CRTAC1: variants seen among roughly 807,000 people sequenced by gnomAD.
CRTAC1 encodes acidic secreted protein in cartilage.
Under a neutral mutation model 67.8 loss-of-function variants are expected in CRTAC1, and 37 were observed. The ratio of observed to expected loss-of-function variants is 0.55; its 90% CI spans 0.42 to 0.72. CRTAC1 has a LOEUF of 0.72. Ranked by LOEUF, CRTAC1 falls within the 30% of genes least tolerant of loss-of-function variation. The probability of loss-of-function intolerance (pLI) is 0.00; values close to 1 mark genes in which losing one functional copy is unlikely to be tolerated. For synonymous variants in CRTAC1, 348 were observed against 371.0 expected (o/e 0.94, Z 0.71); for missense variants, 780 against 931.6 (o/e 0.84, Z 2.12).
chr10:97,985,303 T>C (rs2051962050), intron 2 of CRTAC1, among the ~76,000 whole-genome samples: 2 of 152,242 alleles, frequency 1.3e-5, no homozygotes, highest in African/African-American at 2.4e-5. Context: ...AACATTTTTC[T>C]CACGTTGTAA....
chr10:98,011,845 C>T (rs2136695680), intron 1 of CRTAC1, among the ~76,000 whole-genome samples: 1 of 152,316 alleles, frequency 6.6e-6, no homozygotes, highest in Non-Finnish European at 1.5e-5. Flanking sequence ...ATTTCCCATA[C>T]TCTGGGAGAA....
At chr10:98,021,807 C>G (rs1370400563) in intron 1 of CRTAC1, among the ~76,000 whole-genome samples, 28 of 152,150 alleles carry the variant, frequency 1.8e-4, no homozygotes, top group Non-Finnish European at 5.9e-5. Context: ...GGCTATGAGA[C>G]TTTGAGGAAT....
chr10:97,893,850 G>A (rs567826145), intron 11 of CRTAC1, among the ~76,000 whole-genome samples: 2 of 152,000 alleles, frequency 1.3e-5, no homozygotes, highest in South Asian at 4.1e-4. Context: ...TCTACCATAC[G>A]TGACTTTTGG....
At chr10:97,911,610 G>C (rs1295163423) in intron 5 of CRTAC1, among the ~76,000 whole-genome samples, 2 of 152,174 alleles carry the variant, frequency 1.3e-5, no homozygotes, top group African/African-American at 4.8e-5. Flanking sequence ...GGGCAGCCAG[G>C]TACCTGCACC....
chr10:98,010,329 T>C (rs1228062949), intron 2 of CRTAC1, among the ~76,000 whole-genome samples: 1 of 152,212 alleles, frequency 6.6e-6, no homozygotes, highest in Non-Finnish European at 1.5e-5. Context: ...CGTGAGCCAC[T>C]GCACCCGGCC....
At chr10:97,891,715 A>T (rs759369763) in intron 11 of CRTAC1, among the ~76,000 whole-genome samples, 1 of 151,870 alleles carries the variant, frequency 6.6e-6, no homozygotes, top group Non-Finnish European at 1.5e-5. Flanking sequence ...CCTTCCCTCC[A>T]TCTGGCCTTC....
rs550128415 is a variant in CRTAC1, at chr10:97,944,316, C to A, written c.225-7950G>T. Among the ~76,000 whole-genome samples the A allele has an allele frequency of 4.3e-4, 66 of 152,072 alleles. No homozygotes were observed. The South Asian group carries it at 0.013, about 30-fold the overall frequency. ...CGTGGTGGTGCACACCCTGTAATCC[C>A]AGCTACTTGGGAGGCTGAGGCAGAA... On this transcript the variant is annotated intron_variant, in intron 2 of 14. Transcript: ENST00000370597.
intron 14 of CRTAC1, among the ~76,000 whole-genome samples, chr10:97,874,927 A>T (rs2136531790): frequency 6.6e-6 from 1 of 152,210 alleles, no homozygotes; most frequent in East Asian, 1.9e-4. Context: ...CATGCTACAG[A>T]CTTTCCTTAT....
intron 1 of CRTAC1, among the ~76,000 whole-genome samples, chr10:98,014,824 T>C (rs1001727126): frequency 2.0e-5 from 3 of 152,168 alleles, no homozygotes; most frequent in African/African-American, 7.2e-5. Flanking sequence ...TGTAGAGAAA[T>C]TGGAATCCTT....
At position 97,960,933 on chromosome 10, in the gene CRTAC1, A is replaced by C. The variant is rs193149170; in HGVS notation, c.225-24567T>G. ...CCACACTATGTCCTAAAAATGTATA[A>C]GCCATTTGTTTGAACTCACTGTTCT... On this transcript the variant is annotated intron_variant, in intron 2 of 14. Coordinates refer to ENST00000370597, the MANE Select transcript of CRTAC1 (RefSeq NM_018058.7). Among the ~76,000 whole-genome samples the C allele has an allele frequency of 2.0e-5, 3 of 152,358 alleles. No homozygotes were observed. In the East Asian group the frequency reaches 5.8e-4, roughly 29 times the overall value.
intron 2 of CRTAC1, among the ~76,000 whole-genome samples, chr10:97,938,306 A>G (rs1182874606): frequency 6.6e-6 from 1 of 152,202 alleles, no homozygotes. Flanking sequence ...TGAGGGCTGA[A>G]CACGAGTCTT....
rs1842543278 is a variant in CRTAC1, at chr10:97,995,355, C to T, written c.224+15783G>A. On this transcript the variant is annotated intron_variant, in intron 2 of 14. Transcript: ENST00000370597. ...CTGTCTTATACCCAAGACTTCCATG[C>T]TGTAGAACTCTTTCTATTTTGCAAG... Among the ~76,000 whole-genome samples the T allele has an allele frequency of 2.0e-5, 3 of 152,192 alleles. No individual in the cohort carries two copies. In the South Asian group the frequency reaches 6.2e-4, roughly 31 times the overall value.
At chr10:97,886,773 T>C (rs2050292371) in intron 11 of CRTAC1, among the ~76,000 whole-genome samples, 1 of 151,040 alleles carries the variant, frequency 6.6e-6, no homozygotes, top group Non-Finnish European at 1.5e-5. Context: ...GCCTCCTGAG[T>C]AGTTGGGATT....
rs576681356 is a variant in CRTAC1 at position 97,895,380 on chromosome 10, G to T, written c.1351C>A (p.Arg451Ser). Residue 451 changes from arginine (R) to serine (S), a missense_variant, in exon 11 of 15, where the codon CGC becomes AGC. Coordinates refer to ENST00000370597, the MANE Select transcript of CRTAC1 (RefSeq NM_018058.7). The surrounding 1 kb of genome is among the most constrained non-coding windows in gnomAD (Gnocchi z 4.2). ...CTGGCAAAGGCCCCAAACCGGGTGCGTGGCACCACTCGCAGCCAGTTGTTG... is the reference window on the plus strand; with the variant it reads ...CTGGCAAAGGCCCCAAACCGGGTGCTTGGCACCACTCGCAGCCAGTTGTTG... ...FNNNWLRVVP[R>S]TRFGAFARGA... is the part of the protein sequence containing the mutation. The T allele has an allele frequency of 6.2e-7, 1 of 1,611,762 alleles. No individual in the cohort carries two copies. The highest frequency in any genetic ancestry group is 8.5e-7 in the Non-Finnish European group (1 of 1,179,128).
intron 5 of CRTAC1, among the ~76,000 whole-genome samples, chr10:97,910,115 G>A (rs778806343): frequency 6.6e-6 from 1 of 152,212 alleles, no homozygotes; most frequent in Non-Finnish European, 1.5e-5. Flanking sequence ...GGAGGAATAA[G>A]TTCAAGAGAT....
chr10:97,907,227 C>T (rs1027665092), intron 6 of CRTAC1, among the ~76,000 whole-genome samples: 6 of 152,300 alleles, frequency 3.9e-5, no homozygotes, highest in Non-Finnish European at 5.9e-5. Flanking sequence ...CTGAAGAAGA[C>T]GTGCATGCCA....
chr10:97,953,188 C>T (rs537026253), intron 2 of CRTAC1, among the ~76,000 whole-genome samples: 2 of 152,264 alleles, frequency 1.3e-5, no homozygotes, highest in Admixed American at 1.3e-4. Context: ...GTTCAGTTCC[C>T]AAGACACAGG....
At chr10:97,884,790 C>T (rs1055902218) in intron 11 of CRTAC1, among the ~76,000 whole-genome samples, 1 of 152,208 alleles carries the variant, frequency 6.6e-6, no homozygotes, top group African/African-American at 2.4e-5. Flanking sequence ...CTGGAGGATA[C>T]AGTAAGGCCT....
rs577586106 is a variant in CRTAC1 at position 97,996,188 on chromosome 10, C to T, written c.224+14950G>A. 3.9e-3 allele frequency among the ~76,000 whole-genome samples: 592 copies of T among 151,948 alleles called. 1 individual carries two copies. Among genetic ancestry groups the T allele is most frequent in the Middle Eastern group, 6.8e-3 (2 of 294 alleles). On this transcript the variant is annotated intron_variant, in intron 2 of 14. Coordinates refer to ENST00000370597, the MANE Select transcript of CRTAC1 (RefSeq NM_018058.7). ...ATAGGCATGGGCAAGGACTTCATGT[C>T]TAAAACACCAAAAGCAATGGCAACA...
Sources: allele counts gnomAD v4.1 joint callset (sites outside exome capture counted in the v4.1 genomes callset), GRCh38; gene constraint gnomAD v4.1.1; non-coding constraint Gnocchi (gnomAD v3.1); transcripts MANE v1.5; gene names NCBI Gene and HGNC (gene_info 2026-07-23, HGNC 2026-07-21).